The following KIR2DL1 variants were observed in gnomAD, a reference collection of about 807,000 sequenced individuals.
The protein encoded by KIR2DL1 is killer cell immunoglobulin like receptor, two Ig domains and long cytoplasmic tail 1.
Under a neutral mutation model 33.9 loss-of-function variants are expected in KIR2DL1, and 38 were observed. That is an observed-to-expected ratio of 1.12 (90% confidence interval 0.86 to 1.47). The LOEUF is 1.47. KIR2DL1 is among the 40% of genes most tolerant of loss of function. The pLI is 0.00. For synonymous variants in KIR2DL1, 179 were observed against 165.9 expected, an observed-to-expected ratio of 1.08 and a Z score of -0.61; for missense variants, 531 against 433.9, an observed-to-expected ratio of 1.22 and a Z score of -1.99.
rs1473358289 is a variant in KIR2DL1, at chr19:54,778,721, A to G, written c.715+59A>G. 2.8e-6 allele frequency: 4 copies of G among 1,408,976 alleles called. 1 individual carries two copies. Among genetic ancestry groups the G allele is most frequent in the Non-Finnish European group, 3.9e-6 (4 of 1,015,968 alleles). The allele number at this position is 1,408,976 out of a possible 1,614,324, so 87.3% of individuals were successfully genotyped here. ...AACCCTGGGGAGGTGGGAACCTTGG[A>G]TTCAGGCGTTGACTCAGCATCTCAC... is the stretch of plus-strand genomic sequence containing the variant. On this transcript the variant is annotated intron_variant, in intron 5 of 7. Coordinates refer to ENST00000336077, the MANE Select transcript of KIR2DL1 (RefSeq NM_014218.3).
Position 54,784,182 on chromosome 19 carries a change from A to C in KIR2DL1, c.*369A>C. The C allele has an allele frequency of 2.4e-6, 1 of 422,734 alleles. No homozygotes were observed. Among genetic ancestry groups the C allele is most frequent in the Non-Finnish European group, 4.3e-6 (1 of 233,326 alleles). The allele number at this position is 422,734 out of a possible 1,614,324, so 26.2% of individuals were successfully genotyped here. ...CTCCCTCTTAACGCAGCACTTAGAC[A>C]CGTGTTGTTCCACCTTCCCTCATGC... On this transcript the variant is annotated 3_prime_UTR_variant, in exon 8 of 8. Coordinates refer to ENST00000336077, the MANE Select transcript of KIR2DL1 (RefSeq NM_014218.3).
Position 54,778,473 on chromosome 19 carries a change from T to C in KIR2DL1, c.665-139T>C, listed in dbSNP as rs1460408579. ...GACAGTGGGTGTCATATAAAAAAAT[T>C]ATGGAAAAAAGGATCCCAGGACTCC... On this transcript the variant is annotated intron_variant, in intron 4 of 7. Coordinates refer to ENST00000336077, the MANE Select transcript of KIR2DL1 (RefSeq NM_014218.3). The C allele has an allele frequency of 2.2e-5, 19 of 873,598 alleles. 2 individuals are homozygous for C. 54.1% of individuals were successfully genotyped at this position (873,598 alleles called of 1,614,324 possible).
intron 4 of KIR2DL1, among the ~76,000 whole-genome samples, chr19:54,777,756 C>A (rs1472479395): frequency 1.4e-5 from 2 of 147,694 alleles, no homozygotes; most frequent in African/African-American, 2.5e-5. Context: ...AGACAAACGT[C>A]CTGGAGCATT....
intron 5 of KIR2DL1, 131 bp from the exon 6 acceptor site, chr19:54,782,791 G>T: frequency 2.2e-6 from 2 of 917,300 alleles, no homozygotes; most frequent in South Asian, 2.6e-5. Context: ...AGAAAGCTGG[G>T]TCTCCTGCCA....
chr19:54,773,659 T>C (rs1334673615), intron 3 of KIR2DL1, 27 bp downstream of exon 3: 2 of 1,549,476 alleles, frequency 1.3e-6, no homozygotes, highest in Non-Finnish European at 1.8e-6. Context: ...TTTCTTCTCA[T>C]TGTCATTGGG....
intron 5 of KIR2DL1, 51 bp from the exon 6 acceptor site, chr19:54,782,871 A>G (rs774872235): frequency 3.2e-6 from 5 of 1,580,370 alleles, no homozygotes; most frequent in African/African-American, 1.3e-5. Context: ...GACAATTCAT[A>G]AAGAGGAACT....
rs150580082 is a variant in KIR2DL1 at position 54,775,415 on chromosome 19, C to G, written c.621C>G (p.Tyr207Ter). ...TCGGCTCTTTCCATGACTCTCCATA[C>G]GAGTGGTCAAAGTCAAGTGACCCAC... ...RCFGSFHDSPYEWSKSSDPLL... is the reference protein window; with the variant it reads ...RCFGSFHDSP Residue 207 changes from tyrosine to a stop codon, truncating the protein, a stop_gained, in exon 4 of 8, where the codon TAC becomes TAG. Coordinates refer to ENST00000336077, the MANE Select transcript of KIR2DL1 (RefSeq NM_014218.3). LOFTEE classifies it high-confidence loss of function. 5.2e-3 allele frequency: 8,201 copies of G among 1,581,222 alleles called. 169 individuals carry two copies. The highest frequency in any genetic ancestry group is 6.4e-3 in the Non-Finnish European group (7,409 of 1,153,784).
rs2076027653 is a variant in KIR2DL1, at chr19:54,773,690, G to A, written c.370+58G>A. 8.0e-6 allele frequency: 12 copies of A among 1,493,034 alleles called. No homozygotes were observed. The South Asian group carries it at 1.1e-4, about 14-fold the overall frequency. The allele number at this position is 1,493,034 out of a possible 1,614,324, so 92.5% of individuals were successfully genotyped here. On this transcript the variant is annotated intron_variant, in intron 3 of 7. Coordinates refer to ENST00000336077, the MANE Select transcript of KIR2DL1 (RefSeq NM_014218.3). ...TTGGGATGCAGAGTGAATGATCCAG[G>A]AATTGGAGACCCAGGTGGCTGTAAG...
chr19:54,781,180 A>C (rs1401813026), intron 5 of KIR2DL1, among the ~76,000 whole-genome samples: 1 of 104,630 alleles, frequency 9.6e-6, no homozygotes, highest in Non-Finnish European at 2.0e-5. Context: ...CTATCTCAAA[A>C]AATAAAAATA....
intron 2 of KIR2DL1, among the ~76,000 whole-genome samples, chr19:54,771,763 A>ATTCTG (rs2075754368): frequency 6.8e-6 from 1 of 147,990 alleles, no homozygotes; most frequent in Non-Finnish European, 1.5e-5. Context: ...ACAACATAAT[A>ATTCTG]TTCTGGAACA....
At chr19:54,774,292 G>A (rs1291367924) in intron 3 of KIR2DL1, among the ~76,000 whole-genome samples, 1 of 148,094 alleles carries the variant, frequency 6.8e-6, no homozygotes, top group Non-Finnish European at 1.5e-5. Context: ...CAGAGAATGA[G>A]CCAGAGGAAG....
intron 5 of KIR2DL1, among the ~76,000 whole-genome samples, chr19:54,781,796 C>T (rs1178614975): frequency 6.6e-6 from 1 of 152,078 alleles, no homozygotes; most frequent in African/African-American, 2.4e-5. Flanking sequence ...CTTGATTTCA[C>T]TTTTGTTTTC....
At chr19:54,771,088 G>T (rs2075664085) in intron 2 of KIR2DL1, among the ~76,000 whole-genome samples, 1 of 148,702 alleles carries the variant, frequency 6.7e-6, no homozygotes, top group Admixed American at 6.8e-5. Flanking sequence ...TTAGACTACG[G>T]TGCTCAAAGC....
chr19:54,775,025 T>C, intron 3 of KIR2DL1, 140 bp from the exon 4 acceptor site: 1 of 1,215,848 alleles, frequency 8.2e-7, no homozygotes, highest in Non-Finnish European at 1.1e-6. Context: ...GAAATAGACA[T>C]GAAGAGCGAT....
Position 54,773,479 on chromosome 19 carries a change from A to G in KIR2DL1, c.217A>G (p.Ile73Val). 1 of 1,586,584 alleles carries G rather than the reference A, an allele frequency of 6.3e-7. No homozygotes were observed. Among genetic ancestry groups the G allele is most frequent in the Non-Finnish European group, 8.6e-7 (1 of 1,158,208 alleles). Residue 73 changes from isoleucine (I) to valine (V), a missense_variant, in exon 3 of 8, where the codon ATT becomes GTT. Coordinates refer to ENST00000336077, the MANE Select transcript of KIR2DL1 (RefSeq NM_014218.3). ...GATGTTTAACGACACTTTGCGCCTC[A>G]TTGGAGAACACCATGATGGGGTCTC... Reference protein sequence around the residue: ...EGMFNDTLRLIGEHHDGVSKA... With the variant: ...EGMFNDTLRLVGEHHDGVSKA...
chr19:54,776,476 A>G (rs1054247839), intron 4 of KIR2DL1, among the ~76,000 whole-genome samples: 2 of 146,278 alleles, frequency 1.4e-5, no homozygotes, highest in Non-Finnish European at 3.0e-5. Flanking sequence ...CTCTCTATCC[A>G]TTCACCCACT....
Position 54,780,456 on chromosome 19 carries a change from C to T in KIR2DL1, c.715+1794C>T, listed in dbSNP as rs1396210938. 2.6e-4 allele frequency among the ~76,000 whole-genome samples: 36 copies of T among 140,676 alleles called. 1 individual carries two copies. The highest frequency in any genetic ancestry group is 8.8e-4 in the Admixed American group (12 of 13,652). 92.3% of individuals were successfully genotyped at this position (140,676 alleles called of 152,430 possible). On this transcript the variant is annotated intron_variant, in intron 5 of 7. Coordinates refer to ENST00000336077, the MANE Select transcript of KIR2DL1 (RefSeq NM_014218.3). ...GAATGACAAGACGACTGTAGAGAGA[C>T]GGAGAGCACACTGGGTACACAGGAA...
chr19:54,774,819 C>A (rs1489493880), intron 3 of KIR2DL1, among the ~76,000 whole-genome samples: 1 of 147,774 alleles, frequency 6.8e-6, no homozygotes, highest in Non-Finnish European at 1.5e-5. Flanking sequence ...ATAGATAGAT[C>A]GATAGATAAT....
chr19:54,775,396 CT>C lies in KIR2DL1; in HGVS notation c.605del (p.Phe202SerfsTer46), dbSNP rs766526173. Reference protein sequence around the residue: ...THGGTYRCFGSFHDSPYEWSK... With the variant: ...THGGTYRCFGXFHDSPYEWSK... Reference sequence around the variant, plus strand: ...GGAGGGACCTACAGATGCTTCGGCTCTTTCCATGACTCTCCATACGAGTGGT... The same window carrying C: ...GGAGGGACCTACAGATGCTTCGGCTCTTCCATGACTCTCCATACGAGTGGT... On this transcript the variant is annotated frameshift_variant, in exon 4 of 8. Transcript: ENST00000336077. LOFTEE classifies it high-confidence loss of function. The C allele has an allele frequency of 1.3e-6, 2 of 1,584,068 alleles. No individual in the cohort carries two copies. Among genetic ancestry groups the C allele is most frequent in the Non-Finnish European group, 1.7e-6 (2 of 1,156,216 alleles).
Sources: gnomAD v4.1 joint callset for allele counts (sites outside exome capture counted in the v4.1 genomes callset) on GRCh38, gnomAD v4.1.1 for gene constraint, MANE v1.5 for transcripts, NCBI Gene and HGNC (gene_info 2026-07-23, HGNC 2026-07-21) for gene names.